Variants in NUP210L observed in about 807,000 individuals in gnomAD.
NUP210L encodes the protein nucleoporin 210 like.
A neutral mutation model predicts 208.5 loss-of-function variants in NUP210L; 74 were observed. The ratio of observed to expected loss-of-function variants is 0.35; its 90% confidence interval spans 0.29 to 0.43. The LOEUF (loss-of-function observed/expected upper bound fraction) is 0.43. NUP210L is among the 20% of genes least tolerant of loss of function. The probability of loss-of-function intolerance (pLI) is 1.00; values close to 1 mark genes in which losing one functional copy is unlikely to be tolerated. For missense variants in NUP210L, 1,843 were observed against 2,289.4 expected (o/e 0.81, Z 3.98); for synonymous variants, 780 against 816.9 (o/e 0.95, Z 0.77).
intron 30 of NUP210L, among the ~76,000 whole-genome samples, chr1:154,024,609 G>A (rs570131575): frequency 9.0e-4 from 137 of 151,664 alleles, no homozygotes; most frequent in Admixed American, 2.1e-3. Flanking sequence ...AAGCAGCCTC[G>A]AACTCCTAGG....
chr1:154,048,871 T>G (rs1009769220), intron 25 of NUP210L, among the ~76,000 whole-genome samples: 2 of 152,164 alleles, frequency 1.3e-5, no homozygotes, highest in African/African-American at 4.8e-5. Context: ...TATATCTACT[T>G]CTGTTCCCTG....
chr1:154,100,821 A>G (rs998617236), intron 13 of NUP210L, among the ~76,000 whole-genome samples: 1 of 151,710 alleles, frequency 6.6e-6, no homozygotes, highest in African/African-American at 2.4e-5. Context: ...CCCAGCCACA[A>G]GCAGTTAGTT....
chr1:154,026,499 C>A (rs1047774156), intron 29 of NUP210L, among the ~76,000 whole-genome samples: 1 of 151,972 alleles, frequency 6.6e-6, no homozygotes, highest in East Asian at 2.0e-4. Flanking sequence ...CAGGCATGTG[C>A]AACCACCCCT....
chr1:154,012,369 A>G (rs1009680582), exon 34 of NUP210L: 1 of 1,610,082 alleles, frequency 6.2e-7, no homozygotes, highest in Non-Finnish European at 8.5e-7. Context: ...ATTGACCACC[A>G]CCTGTCAGCA....
At position 154,061,584 on chromosome 1, in the gene NUP210L, A is replaced by C. The variant is rs1654140947; in HGVS notation, c.2643+2T>G. 1 of 1,513,314 alleles carries C rather than the reference A, an allele frequency of 6.6e-7. No individual in the cohort carries two copies. Among genetic ancestry groups the C allele is most frequent in the Admixed American group, 1.8e-5 (1 of 55,578 alleles). The allele number at this position is 1,513,314 out of a possible 1,614,324, so 93.7% of individuals were successfully genotyped here. ...ATTTCTTACATTATAATCTCCACTC[A>C]CTTTTGGGCTTTTCTTCTCTGAATA... On this transcript the variant is annotated splice_donor_variant, in intron 18 of 39. Coordinates refer to ENST00000368559, the Ensembl canonical transcript of NUP210L. LOFTEE classifies it high-confidence loss of function.
intron 16 of NUP210L, among the ~76,000 whole-genome samples, chr1:154,085,113 T>A (rs1330957720): frequency 3.5e-5 from 5 of 143,858 alleles, no homozygotes; most frequent in East Asian, 2.2e-4. Flanking sequence ...TTTGGGAGGC[T>A]GAGGTGGGTG....
At chr1:154,010,333 A>AT (rs780351774) in intron 34 of NUP210L, among the ~76,000 whole-genome samples, 4 of 152,182 alleles carry the variant, frequency 2.6e-5, no homozygotes, top group Non-Finnish European at 5.9e-5. Flanking sequence ...TGGGGCTTCC[A>AT]TTATCAATGT....
chr1:154,092,475 T>C (rs1655979778), intron 15 of NUP210L, among the ~76,000 whole-genome samples: 1 of 151,198 alleles, frequency 6.6e-6, no homozygotes, highest in African/African-American at 2.4e-5. Flanking sequence ...GTTCAAGCAG[T>C]TCTTCTGCCT....
chr1:154,025,750 G>C (rs756550478), intron 29 of NUP210L, 34 bp from the exon 30 acceptor site: 1 of 1,596,928 alleles, frequency 6.3e-7, no homozygotes, highest in Admixed American at 1.7e-5. Flanking sequence ...GCATCTTTTT[G>C]GGGTCCTGTC....
intron 22 of NUP210L, among the ~76,000 whole-genome samples, chr1:154,057,364 G>T (rs1257926121): frequency 6.6e-6 from 1 of 152,038 alleles, no homozygotes; most frequent in Non-Finnish European, 1.5e-5. Flanking sequence ...AGGGGGAATT[G>T]CAAGAAAATA....
At chr1:154,138,213 A>G in exon 6 of NUP210L, 1 of 1,542,610 alleles carries the variant, frequency 6.5e-7, no homozygotes, top group African/African-American at 1.4e-5. Context: ...CAAAACAAGC[A>G]GACGTATTAA....
At chr1:154,103,815 G>A (rs1053667104) in intron 13 of NUP210L, among the ~76,000 whole-genome samples, 197 bp downstream of exon 13, 12 of 152,044 alleles carry the variant, frequency 7.9e-5, no homozygotes, top group African/African-American at 2.4e-4. Flanking sequence ...AAAATGAGGA[G>A]TATAACACTT....
intron 13 of NUP210L, among the ~76,000 whole-genome samples, chr1:154,101,622 G>T (rs1656474504): frequency 6.6e-6 from 1 of 152,146 alleles, no homozygotes; most frequent in African/African-American, 2.4e-5. Flanking sequence ...TATGAGCAAA[G>T]ATCATGACCT....
At chr1:154,005,728 C>CT (rs34116245) in intron 35 of NUP210L, among the ~76,000 whole-genome samples, 62 of 125,950 alleles carry the variant, frequency 4.9e-4, no homozygotes, top group East Asian at 1.6e-3. Flanking sequence ...ATTTTTTTTT[C>CT]TTTTTTTTTT....
At chr1:154,022,039 G>A in intron 32 of NUP210L, 87 bp downstream of exon 32, 2 of 1,217,784 alleles carry the variant, frequency 1.6e-6, no homozygotes, top group South Asian at 1.3e-5. Context: ...CAGTCCAAGG[G>A]ATTAATAACT....
chr1:153,993,616 ATT>A (rs991677538), intron 38 of NUP210L, among the ~76,000 whole-genome samples: 1 of 141,268 alleles, frequency 7.1e-6, no homozygotes, highest in South Asian at 2.2e-4. Context: ...TGTTGTGTTA[ATT>A]TTTTTTTTTT....
rs369748122 is a variant in NUP210L, at chr1:154,062,002, A to G, written c.2555-328T>C. Among the ~76,000 whole-genome samples, 5 of 151,790 alleles carry G rather than the reference A, an allele frequency of 3.3e-5. No individual in the cohort carries two copies. In the South Asian group the frequency reaches 1.0e-3, roughly 32 times the overall value. ...GCCACGATGCCTGGCTAATTTTTGT[A>G]TTTTTAGTAGAGATGGGGTTTCACT... On this transcript the variant is annotated intron_variant, in intron 17 of 39. Transcript: ENST00000368559.
At chr1:154,087,641 T>C (rs1029861460) in intron 16 of NUP210L, among the ~76,000 whole-genome samples, 2 of 152,126 alleles carry the variant, frequency 1.3e-5, no homozygotes, top group Non-Finnish European at 2.9e-5. Flanking sequence ...TGTACATGAA[T>C]GTTCATGGCA....
intron 33 of NUP210L, among the ~76,000 whole-genome samples, chr1:154,013,400 C>T (rs989132379): frequency 8.6e-5 from 13 of 152,002 alleles, no homozygotes; most frequent in Non-Finnish European, 1.9e-4. Flanking sequence ...ATGGCGAAAC[C>T]TCACCTCTAC....
Sources: allele counts gnomAD v4.1 joint callset (sites outside exome capture counted in the v4.1 genomes callset), GRCh38; gene constraint gnomAD v4.1.1; transcripts MANE v1.5; gene names NCBI Gene and HGNC (gene_info 2026-07-23, HGNC 2026-07-21).